ATAD1: variants seen among roughly 807,000 people sequenced by gnomAD.
The protein encoded by ATAD1 is outer mitochondrial transmembrane helix translocase.
A neutral mutation model predicts 42.7 loss-of-function variants in ATAD1; 18 were observed. The ratio of observed to expected loss-of-function variants is 0.42; its 90% CI spans 0.29 to 0.63. The LOEUF is 0.63. Among genes scored for constraint, ATAD1 ranks in the 20% least tolerant of loss-of-function variants. The pLI, the probability that ATAD1 is intolerant of heterozygous loss-of-function variation, is 0.19. For missense variants in ATAD1, 294 were observed against 440.4 expected, an observed-to-expected ratio of 0.67 and a Z score of 2.98; for synonymous variants, 132 against 143.1, an observed-to-expected ratio of 0.92 and a Z score of 0.55.
At chr10:87,762,988 GGAGAATCGCTTGAACCCA>G (rs1854562596) in intron 8 of ATAD1, among the ~76,000 whole-genome samples, 1 of 143,498 alleles carries the variant, frequency 7.0e-6, no homozygotes, top group Non-Finnish European at 1.5e-5. Context: ...GGCTGAGGCA[GGAGAATCGCTTGAACCCA>G]GGAGGTGAAA....
intron 1 of ATAD1, among the ~76,000 whole-genome samples, chr10:87,815,263 C>T (rs1439802062): frequency 6.6e-6 from 1 of 151,942 alleles, no homozygotes; most frequent in Non-Finnish European, 1.5e-5. Flanking sequence ...GAATACAGCA[C>T]TCACCCAAGC....
chr10:87,777,445 G>A (rs1855356319), intron 5 of ATAD1, among the ~76,000 whole-genome samples: 1 of 151,998 alleles, frequency 6.6e-6, no homozygotes, highest in South Asian at 2.1e-4. Flanking sequence ...TTATAGCTCA[G>A]GGATGGATTT....
At chr10:87,785,453 C>A (rs1275698522) in intron 4 of ATAD1, among the ~76,000 whole-genome samples, 1 of 150,262 alleles carries the variant, frequency 6.7e-6, no homozygotes, top group African/African-American at 2.4e-5. Flanking sequence ...GATCTGGCAC[C>A]TAAACTTAGT....
At chr10:87,761,117 T>C (rs1175320949) in intron 8 of ATAD1, among the ~76,000 whole-genome samples, 2 of 152,088 alleles carry the variant, frequency 1.3e-5, no homozygotes, top group Non-Finnish European at 2.9e-5. Context: ...CCACAATGTA[T>C]AAGTATGACA....
intron 7 of ATAD1, among the ~76,000 whole-genome samples, chr10:87,770,230 T>C (rs1012700142): frequency 6.6e-6 from 1 of 152,164 alleles, no homozygotes; most frequent in African/African-American, 2.4e-5. Context: ...TTAGAGTAAG[T>C]TCCTCTAAAT....
chr10:87,829,596 A>G (rs1050794170), intron 1 of ATAD1, among the ~76,000 whole-genome samples: 4 of 152,200 alleles, frequency 2.6e-5, no homozygotes, highest in Non-Finnish European at 5.9e-5. Context: ...TTCAAAATTC[A>G]TGGGAGGTCA....
chr10:87,811,890 C>G (rs113133475), intron 2 of ATAD1, among the ~76,000 whole-genome samples: 120 of 152,326 alleles, frequency 7.9e-4, no homozygotes, highest in African/African-American at 2.8e-3. Context: ...GTCATCTTCT[C>G]ATAAATTTGC....
chr10:87,817,673 A>C (rs1857484035), intron 1 of ATAD1: 1 of 954,492 alleles, frequency 1.0e-6, no homozygotes, highest in African/African-American at 1.8e-5. Flanking sequence ...AAGGCCTGCC[A>C]ATCTTCACAA....
At chr10:87,840,421 G>T (rs563996005) in intron 1 of ATAD1, among the ~76,000 whole-genome samples, 13 of 152,220 alleles carry the variant, frequency 8.5e-5, no homozygotes, top group African/African-American at 3.1e-4. Context: ...GGAGGTTGAG[G>T]CTGCAGTGAG....
At chr10:87,829,652 C>T (rs1857794215) in intron 1 of ATAD1, among the ~76,000 whole-genome samples, 1 of 152,162 alleles carries the variant, frequency 6.6e-6, no homozygotes, top group African/African-American at 2.4e-5. Flanking sequence ...GTCCAACCCT[C>T]CTACATGATT....
chr10:87,833,727 C>T (rs1427352865), intron 1 of ATAD1, among the ~76,000 whole-genome samples: 27 of 100,732 alleles, frequency 2.7e-4, no homozygotes, highest in Admixed American at 3.9e-4. Context: ...TCTTTCTTTC[C>T]TTTTTTTTTT....
chr10:87,806,307 T>A (rs1028222287), intron 2 of ATAD1, among the ~76,000 whole-genome samples: 5 of 152,122 alleles, frequency 3.3e-5, no homozygotes, highest in African/African-American at 1.2e-4. Flanking sequence ...ACAGTGCTTT[T>A]ACTAATAACT....
chr10:87,809,164 C>T (rs78690535), intron 2 of ATAD1, among the ~76,000 whole-genome samples: 26 of 152,158 alleles, frequency 1.7e-4, no homozygotes, highest in African/African-American at 5.8e-4. Context: ...TCAAATTTAT[C>T]GACGTAACAG....
chr10:87,783,356 A>G (rs974124418), intron 5 of ATAD1, among the ~76,000 whole-genome samples: 2 of 151,842 alleles, frequency 1.3e-5, no homozygotes, highest in Non-Finnish European at 2.9e-5. Flanking sequence ...TGGGTAACAG[A>G]GTGAGATGCT....
chr10:87,776,747 G>A (rs532334629), intron 5 of ATAD1, among the ~76,000 whole-genome samples: 1 of 152,148 alleles, frequency 6.6e-6, no homozygotes, highest in South Asian at 2.1e-4. Context: ...TGGGATTACA[G>A]GCATGAGCCA....
At chr10:87,796,319 C>A (rs2131962722) in intron 2 of ATAD1, among the ~76,000 whole-genome samples, 1 of 152,276 alleles carries the variant, frequency 6.6e-6, no homozygotes, top group Admixed American at 6.5e-5. Flanking sequence ...GGCAAACCTG[C>A]CTCCCATTCT....
intron 7 of ATAD1, 23 bp downstream of exon 7, chr10:87,770,929 T>C (rs1564745961): frequency 6.3e-7 from 1 of 1,596,646 alleles, no homozygotes; most frequent in Admixed American, 1.7e-5. Context: ...TAACTCTTCA[T>C]AATATCAATC....
At chr10:87,778,930 T>C (rs1453474643) in intron 5 of ATAD1, among the ~76,000 whole-genome samples, 1 of 152,132 alleles carries the variant, frequency 6.6e-6, no homozygotes, top group Non-Finnish European at 1.5e-5. Context: ...TAGGAAATAA[T>C]ATAGAAGAAA....
chr10:87,817,857 C>T (rs1458660101), intron 1 of ATAD1: 6 of 985,454 alleles, frequency 6.1e-6, no homozygotes, highest in Non-Finnish European at 7.2e-6. Context: ...GGGACGACCT[C>T]AAACCCCCAC....
Sources: allele counts gnomAD v4.1 joint callset (sites outside exome capture counted in the v4.1 genomes callset), GRCh38; gene constraint gnomAD v4.1.1; transcripts MANE v1.5; gene names NCBI Gene and HGNC (gene_info 2026-07-23, HGNC 2026-07-21).